The following TBC1D21 variants were observed in gnomAD, a reference collection of about 807,000 sequenced individuals.
The protein encoded by TBC1D21 is TBC1 domain family member 21, also known as male germ cell Rab GTPase-activating protein.
A neutral mutation model predicts 46.0 loss-of-function variants in TBC1D21; 38 were observed. That is an observed-to-expected ratio of 0.83 (90% CI 0.64 to 1.08). TBC1D21 has a LOEUF of 1.08. Among genes scored for constraint, TBC1D21 ranks in the 50% least tolerant of loss-of-function variants. The probability of loss-of-function intolerance (pLI) is 0.00; values close to 1 mark genes in which losing one functional copy is unlikely to be tolerated. For missense variants in TBC1D21, 415 were observed against 417.9 expected, an observed-to-expected ratio of 0.99 and a Z score of 0.06; for synonymous variants, 151 against 157.2, an observed-to-expected ratio of 0.96 and a Z score of 0.29.
chr15:73,881,252 T>C (rs2068148293), intron 1 of TBC1D21, 147 bp from the exon 2 acceptor site: 1 of 601,218 alleles, frequency 1.7e-6, no homozygotes, highest in Non-Finnish European at 2.9e-6. Flanking sequence ...CTATATATTT[T>C]CAGTAATGTC....
the TBC1D21 span, among the ~76,000 whole-genome samples, chr15:73,906,777 A>T: frequency 6.6e-6 from 1 of 152,228 alleles, no homozygotes. Flanking sequence ...ATGTATGTGC[A>T]GTGCTGAGTA....
intron 3 of TBC1D21, among the ~76,000 whole-genome samples, chr15:73,883,569 C>T (rs2068191581): frequency 6.6e-6 from 1 of 152,154 alleles, no homozygotes; most frequent in African/African-American, 2.4e-5. Context: ...ATTTGGGGTC[C>T]ACCTGGAAAG....
chr15:73,896,544 C>T, the TBC1D21 span, among the ~76,000 whole-genome samples: 1 of 151,608 alleles, frequency 6.6e-6, no homozygotes, highest in Non-Finnish European at 1.5e-5. Flanking sequence ...ACAATGAGTT[C>T]TCAAAACTCC....
At chr15:73,890,383 T>C (rs984428857), downstream of TBC1D21, among the ~76,000 whole-genome samples, 2 of 152,220 alleles carry the variant, frequency 1.3e-5, no homozygotes, top group African/African-American at 4.8e-5. Flanking sequence ...CAACACCTTC[T>C]CTGCATGGCT....
intron 5 of TBC1D21, 41 bp from the exon 6 acceptor site, chr15:73,884,962 T>TAC: frequency 8.8e-6 from 14 of 1,592,976 alleles, no homozygotes; most frequent in Non-Finnish European, 1.2e-5. Context: ...GTCCAGGCTC[T>TAC]CCCACCCAGC....
In TBC1D21 at chr15:73,876,199, G is replaced by GGTGTTTTTTTTTTTTTTTTTTT. The variant is rs2068057275; in HGVS notation, c.60+2430_60+2431insGTGTTTTTTTTTTTTTTTTTTT. On this transcript the variant is annotated intron_variant, in intron 1 of 10. Transcript: ENST00000300504. ...GAAGAATCAGTGACTTTTTTTGTGG[G>GGTGTTTTTTTTTTTTTTTTTTT]TTTTTTTTTTTTTTTTTTTTTTTTT... Among the ~76,000 whole-genome samples, 10 of 28,328 alleles carry GGTGTTTTTTTTTTTTTTTTTTT rather than the reference G, an allele frequency of 3.5e-4. 5 individuals are homozygous for GGTGTTTTTTTTTTTTTTTTTTT. Among genetic ancestry groups the GGTGTTTTTTTTTTTTTTTTTTT allele is most frequent in the Non-Finnish European group, 7.5e-4 (4 of 5,338 alleles). The allele number at this position is 28,328 out of a possible 152,430, so 18.6% of individuals were successfully genotyped here. A position where few individuals can be genotyped will look rare whatever the true frequency, so the allele number is the denominator to read the frequency against.
intron 1 of TBC1D21, among the ~76,000 whole-genome samples, chr15:73,879,583 G>A (rs140442687): frequency 6.6e-6 from 1 of 152,220 alleles, no homozygotes; most frequent in East Asian, 1.9e-4. Context: ...CTGTTACTCA[G>A]GAGCTTGTTA....
At chr15:73,881,808 C>T in intron 3 of TBC1D21, 61 bp downstream of exon 3, 2 of 1,444,258 alleles carry the variant, frequency 1.4e-6, no homozygotes, top group Admixed American at 1.7e-5. Flanking sequence ...GGTGCTGCCT[C>T]CCCAGCCTGC....
At chr15:73,888,661 T>TCCTCCTCCTCTTCCA in intron 10 of TBC1D21, 148 bp downstream of exon 10, 1 of 682,444 alleles carries the variant, frequency 1.5e-6, no homozygotes, top group Middle Eastern at 3.4e-4. Context: ...CTCCTCTTCT[T>TCCTCCTCCTCTTCCA]CCTCCTCCTC....
At chr15:73,885,833 C>T (rs1214300696) in intron 6 of TBC1D21, among the ~76,000 whole-genome samples, 1 of 151,994 alleles carries the variant, frequency 6.6e-6, no homozygotes, top group Admixed American at 6.6e-5. Flanking sequence ...CACACACACA[C>T]ACACACACTA....
downstream of TBC1D21, among the ~76,000 whole-genome samples, chr15:73,890,492 G>A (rs2068327830): frequency 6.6e-6 from 1 of 152,200 alleles, no homozygotes; most frequent in Non-Finnish European, 1.5e-5. Context: ...ATTTAAATAA[G>A]TGTTCCCGCA....
At position 73,880,185 on chromosome 15, in the gene TBC1D21, G is replaced by A. The variant is rs375797318; in HGVS notation, c.61-1214G>A. Among the ~76,000 whole-genome samples, 20 of 152,130 alleles carry A rather than the reference G, an allele frequency of 1.3e-4. 1 individual carries two copies. Among genetic ancestry groups the A allele is most frequent in the Admixed American group, 9.8e-4 (15 of 15,276 alleles). On this transcript the variant is annotated intron_variant, in intron 1 of 10. Transcript: ENST00000300504. ...GCTGGGATTACAAGCATGAGCCACT[G>A]CACCTGACCCTAGTTATTATTTTAT...
At chr15:73,878,889 C>T (rs945207325) in intron 1 of TBC1D21, among the ~76,000 whole-genome samples, 1 of 152,126 alleles carries the variant, frequency 6.6e-6, no homozygotes, top group African/African-American at 2.4e-5. Flanking sequence ...CTGAGTGTTG[C>T]AGTTTCTGAA....
the TBC1D21 span, among the ~76,000 whole-genome samples, chr15:73,903,393 C>T: frequency 1.5e-4 from 23 of 152,230 alleles, no homozygotes; most frequent in Non-Finnish European, 2.9e-4. Context: ...AGATTTCCCA[C>T]CCCTCAATGG....
chr15:73,901,962 C>T, the TBC1D21 span, among the ~76,000 whole-genome samples: 3 of 152,248 alleles, frequency 2.0e-5, no homozygotes, highest in East Asian at 5.8e-4. Flanking sequence ...CAGGCATACA[C>T]CACCTCACCC....
At position 73,876,944 on chromosome 15, in the gene TBC1D21, C is replaced by G. The variant is rs1160243390; in HGVS notation, c.60+3175C>G. On this transcript the variant is annotated intron_variant, in intron 1 of 10. Coordinates refer to ENST00000300504, the MANE Select transcript of TBC1D21 (RefSeq NM_153356.3). Reference sequence around the variant, plus strand: ...CCCCCAGCATGGCATTAGGGTTAAGCCTCTGACTGTTGCATCAAACAGCTT... The same window carrying G: ...CCCCCAGCATGGCATTAGGGTTAAGGCTCTGACTGTTGCATCAAACAGCTT... 4.6e-5 allele frequency among the ~76,000 whole-genome samples: 7 copies of G among 152,256 alleles called. No homozygotes were observed. In the East Asian group the frequency reaches 9.7e-4, roughly 21 times the overall value.
At chr15:73,878,324 A>C (rs927638485) in intron 1 of TBC1D21, among the ~76,000 whole-genome samples, 46 of 152,286 alleles carry the variant, frequency 3.0e-4, no homozygotes, top group Middle Eastern at 3.4e-3. Flanking sequence ...ATTTAGAAAA[A>C]CAGATTGGAG....
downstream of TBC1D21, among the ~76,000 whole-genome samples, chr15:73,891,511 T>C (rs1189185580): frequency 1.3e-5 from 2 of 152,146 alleles, no homozygotes; most frequent in African/African-American, 4.8e-5. Context: ...CCCTTCCAAG[T>C]TGGAGGGGTG....
At chr15:73,894,119 A>G (rs1319094675), downstream of TBC1D21, among the ~76,000 whole-genome samples, 1 of 152,186 alleles carries the variant, frequency 6.6e-6, no homozygotes, top group Non-Finnish European at 1.5e-5. Context: ...GTGATTTGCC[A>G]AGTCCGGATG....
Sources: gnomAD v4.1 joint callset for allele counts (sites outside exome capture counted in the v4.1 genomes callset) on GRCh38, gnomAD v4.1.1 for gene constraint, MANE v1.5 for transcripts, NCBI Gene and HGNC (gene_info 2026-07-23, HGNC 2026-07-21) for gene names.